MRPL24: variants seen among roughly 807,000 people sequenced by gnomAD.
The protein encoded by MRPL24 is large ribosomal subunit protein uL24m.
In MRPL24, 15 loss-of-function variants were observed where a neutral mutation model predicts 26.9. The ratio of observed to expected loss-of-function variants is 0.56; its 90% confidence interval spans 0.37 to 0.86. MRPL24 has a LOEUF of 0.86. Ranked by LOEUF, MRPL24 falls within the 40% of genes least tolerant of loss-of-function variation. The pLI, the probability that MRPL24 is intolerant of heterozygous loss-of-function variation, is 0.00. For synonymous variants in MRPL24, 92 were observed against 102.4 expected, an observed-to-expected ratio of 0.90 and a Z score of 0.62; for missense variants, 241 against 281.4, an observed-to-expected ratio of 0.86 and a Z score of 1.03.
In MRPL24 at chr1:156,737,499, C is replaced by G; in HGVS notation, c.550G>C (p.Glu184Gln). 1 of 1,611,286 alleles carries G rather than the reference C, an allele frequency of 6.2e-7. No individual in the cohort carries two copies. The change falls in exon 6 of 6, where the codon GAA becomes CAA. Residue 184 changes from glutamate to glutamine, a missense_variant. Coordinates refer to ENST00000361531, the MANE Select transcript of MRPL24 (RefSeq NM_145729.3). ...PKDTSVEDAL[E>Q]RTYVPCLKTL... ...TTTAGACAGGGCACATAGGTTCTTTCTAAAGCATCTTCCACTGATGTGTCT... is the reference window on the plus strand; with the variant it reads ...TTTAGACAGGGCACATAGGTTCTTTGTAAAGCATCTTCCACTGATGTGTCT...
chr1:156,737,471 G>A lies in MRPL24; in HGVS notation c.578C>T (p.Thr193Ile), dbSNP rs1649907155. ...LERTYVPCLK[T>I]LQEEVMEAMG... ...GGCCTCCATCACCTCCTCCTGCAGT[G>A]TCTTTAGACAGGGCACATAGGTTCT... The change falls in exon 6 of 6, where the codon ACA (threonine) becomes ATA (isoleucine). Residue 193 changes from threonine (T) to isoleucine (I), a missense_variant. Thr to Ile is a moderately conservative substitution (Grantham distance 89). Transcript: ENST00000361531. 6.2e-7 allele frequency: 1 copy of A among 1,612,484 alleles called. No homozygotes were observed.
At chr1:156,740,015 G>A (rs1330397742) in intron 1 of MRPL24, among the ~76,000 whole-genome samples, 3 of 152,130 alleles carry the variant, frequency 2.0e-5, no homozygotes, top group Non-Finnish European at 4.4e-5. Context: ...AACATTTACA[G>A]GGTTGTGGGT....
upstream of MRPL24, chr1:156,742,019 A>C (rs1650157698): frequency 6.6e-6 from 1 of 152,666 alleles, no homozygotes; most frequent in Admixed American, 6.5e-5. Flanking sequence ...CCTAAATCTG[A>C]GATGACCTGG....
In MRPL24 at chr1:156,738,147, G is replaced by A; in HGVS notation, c.280-13C>T. ...TGTAGCGGTAATGCTGTCCAAGAGA[G>A]GGGAGTGTCAGAAAGCACGGGGTGT... On this transcript the variant is annotated splice_polypyrimidine_tract_variant and intron_variant, in intron 3 of 5. Transcript: ENST00000361531. The A allele has an allele frequency of 1.9e-6, 3 of 1,613,488 alleles. No individual in the cohort carries two copies. Among genetic ancestry groups the A allele is most frequent in the Non-Finnish European group, 2.5e-6 (3 of 1,179,458 alleles).
At chr1:156,737,843 G>A in intron 4 of MRPL24, 67 bp from the exon 5 acceptor site, 1 of 1,594,440 alleles carries the variant, frequency 6.3e-7, no homozygotes. Flanking sequence ...ACCCAAAAGA[G>A]TCAGTGGTTC....
chr1:156,737,625 C>T (rs776811890), intron 5 of MRPL24, 21 bp downstream of exon 5: 3 of 1,613,734 alleles, frequency 1.9e-6, no homozygotes, highest in Non-Finnish European at 2.5e-6. Flanking sequence ...CACCCCTGAC[C>T]TTCCTGCCCC....
chr1:156,741,676 CT>C (rs1261774027), upstream of MRPL24: 1 of 152,142 alleles, frequency 6.6e-6, no homozygotes, highest in Admixed American at 6.5e-5. Flanking sequence ...CCCCCTCCCC[CT>C]ACCACCCCAT....
At position 156,738,442 on chromosome 1, in the gene MRPL24, T is replaced by C. The variant is rs200373791; in HGVS notation, c.184-4A>G. 265 of 1,613,710 alleles carry C rather than the reference T, an allele frequency of 1.6e-4. 1 individual carries two copies. Among genetic ancestry groups the C allele is most frequent in the Non-Finnish European group, 4.0e-5 (47 of 1,179,820 alleles). ...CCTTGCCTTCTAGGATCTCCACCTG[T>C]GGGAAGATACGAAGGTTAGGGAGGG... is the stretch of plus-strand genomic sequence containing the variant. On this transcript the variant is annotated splice_region_variant and splice_polypyrimidine_tract_variant and intron_variant, in intron 2 of 5. Coordinates refer to ENST00000361531, the MANE Select transcript of MRPL24 (RefSeq NM_145729.3).
At chr1:156,742,630 G>A (rs1444673071), upstream of MRPL24, 2 of 153,008 alleles carry the variant, frequency 1.3e-5, no homozygotes, top group East Asian at 3.9e-4. Context: ...TGAGCACTGT[G>A]TGGAGAGGAA....
intron 1 of MRPL24, chr1:156,740,360 AAAC>A (rs958870926): frequency 2.8e-5 from 4 of 142,240 alleles, no homozygotes; most frequent in East Asian, 2.0e-4. Context: ...AAACAAAAAC[AAAC>A]AAAAAAAAAC....
In MRPL24 at chr1:156,737,316, C is replaced by G; in HGVS notation, c.*82G>C. The G allele has an allele frequency of 6.9e-7, 1 of 1,457,158 alleles. No homozygotes were observed. Among genetic ancestry groups the G allele is most frequent in the African/African-American group, 1.4e-5 (1 of 69,568 alleles). 90.3% of individuals were successfully genotyped at this position (1,457,158 alleles called of 1,614,324 possible). ...TGTACACAGGAGGACTCATAAAGTG[C>G]TCTTTATTGGCATCTGAAAAAGAAG... is the stretch of plus-strand genomic sequence containing the variant. On this transcript the variant is annotated 3_prime_UTR_variant, in exon 6 of 6. Coordinates refer to ENST00000361531, the MANE Select transcript of MRPL24 (RefSeq NM_145729.3).
intron 1 of MRPL24, 190 bp downstream of exon 1, chr1:156,740,822 T>C (rs1169568004): frequency 6.6e-6 from 1 of 152,190 alleles, no homozygotes; most frequent in Non-Finnish European, 1.5e-5. Context: ...GAAGGCGCAG[T>C]GCAATGTAGT....
Position 156,738,558 on chromosome 1 carries a change from G to A in MRPL24, c.147C>T (p.Ile49=), listed in dbSNP as rs575680474. 5 of 1,614,126 alleles carry A rather than the reference G, an allele frequency of 3.1e-6. No individual in the cohort carries two copies. Among genetic ancestry groups the A allele is most frequent in the Non-Finnish European group, 4.2e-6 (5 of 1,180,014 alleles). ...IRRRPVVVEP[I]SDEDWYLFCG... is the part of the protein sequence containing the mutation. ...AGAACAGATACCAGTCTTCATCAGA[G>A]ATGGGTTCCACAACCACTGGGCGCC... Residue 49 remains isoleucine, a synonymous_variant, in exon 2 of 6, where the codon ATC becomes ATT. Transcript: ENST00000361531.
chr1:156,738,118 C>T lies in MRPL24; in HGVS notation c.296G>A (p.Gly99Asp). 1 of 1,614,110 alleles carries T rather than the reference C, an allele frequency of 6.2e-7. No individual in the cohort carries two copies. The highest frequency in any genetic ancestry group is 8.5e-7 in the Non-Finnish European group (1 of 1,180,008). The change falls in exon 4 of 6, where the codon GGC (glycine) becomes GAC (aspartate). Residue 99 changes from glycine to aspartate, a missense_variant. Physicochemically the swap from Gly to Asp is moderately conservative, Grantham distance 94 (BLOSUM62 -1). Transcript: ENST00000361531. The part of the protein sequence containing the change: ...GGLNTHYRYI[G>D]KTMDYRGTMI... The stretch of plus-strand genomic sequence containing the variant: ...GGTTCCCCGGTAATCCATGGTCTTG[C>T]CAATGTAGCGGTAATGCTGTCCAAG...
chr1:156,737,744 T>G lies in MRPL24; in HGVS notation c.416A>C (p.Glu139Ala). The change falls in exon 5 of 6, where the codon GAA becomes GCA. Residue 139 changes from glutamate to alanine, a missense_variant. Coordinates refer to ENST00000361531, the MANE Select transcript of MRPL24 (RefSeq NM_145729.3). The stretch of plus-strand genomic sequence containing the variant: ...GGAGACTCGTACCCGCTCTCCTGCT[T>G]CAGTAAATCTCCACTCGATCTCAGT... ...KPTEIEWRFT[E>A]AGERVRVSTR... 6.2e-7 allele frequency: 1 copy of G among 1,614,138 alleles called. No individual in the cohort carries two copies. Among genetic ancestry groups the G allele is most frequent in the Admixed American group, 1.7e-5 (1 of 60,016 alleles).
Position 156,738,543 on chromosome 1 carries a change from C to G in MRPL24, c.162G>C (p.Trp54Cys), listed in dbSNP as rs749677650. 10 of 1,614,148 alleles carry G rather than the reference C, an allele frequency of 6.2e-6. No homozygotes were observed. In the Admixed American group the frequency reaches 1.7e-4, roughly 27 times the overall value. ...TCACCGTGTCCCCACAGAACAGATA[C>G]CAGTCTTCATCAGAGATGGGTTCCA... ...VVVEPISDED[W>C]YLFCGDTVEI... Residue 54 changes from tryptophan to cysteine, a missense_variant, in exon 2 of 6, where the codon TGG becomes TGC. Trp to Cys is a radical substitution (Grantham distance 215, BLOSUM62 -2). Coordinates refer to ENST00000361531, the MANE Select transcript of MRPL24 (RefSeq NM_145729.3).
In MRPL24 at chr1:156,738,761, A is replaced by G; in HGVS notation, c.-57T>C. 1 of 1,499,220 alleles carries G rather than the reference A, an allele frequency of 6.7e-7. No individual in the cohort carries two copies. The highest frequency in any genetic ancestry group is 1.3e-5 in the South Asian group (1 of 75,738). 92.9% of individuals were successfully genotyped at this position (1,499,220 alleles called of 1,614,324 possible). A position where few individuals can be genotyped will look rare whatever the true frequency, so the allele number is the denominator to read the frequency against. ...CAAAACGCTCGAAACCTTCCTTGTC[A>G]GCTCTGGGCAGATGGATAGAAACGG... On this transcript the variant is annotated 5_prime_UTR_variant, in exon 2 of 6. Transcript: ENST00000361531.
chr1:156,740,134 G>A (rs1219675492), intron 1 of MRPL24, among the ~76,000 whole-genome samples: 1 of 152,184 alleles, frequency 6.6e-6, no homozygotes, highest in Non-Finnish European at 1.5e-5. Flanking sequence ...TTATATTTAT[G>A]GAAAGGAAAC....
At chr1:156,737,885 C>T in intron 4 of MRPL24, 109 bp from the exon 5 acceptor site, 3 of 1,510,952 alleles carry the variant, frequency 2.0e-6, no homozygotes, top group Non-Finnish European at 2.7e-6. Context: ...CGTTTCTCCA[C>T]CTCTGTGTTG....
Sources: gnomAD v4.1 joint callset for allele counts (sites outside exome capture counted in the v4.1 genomes callset) on GRCh38, gnomAD v4.1.1 for gene constraint, MANE v1.5 for transcripts, NCBI Gene and HGNC (gene_info 2026-07-23, HGNC 2026-07-21) for gene names.